The following OPRM1 variants were observed in gnomAD, a reference collection of about 807,000 sequenced individuals.
The protein encoded by OPRM1 is mu-type opioid receptor.
A neutral mutation model predicts 31.8 loss-of-function variants in OPRM1; 27 were observed. The ratio of observed to expected loss-of-function variants is 0.85; its 90% CI spans 0.63 to 1.17. OPRM1 has a LOEUF of 1.17. OPRM1 is among the 50% of genes most tolerant of loss of function. The pLI is 0.00. For synonymous variants in OPRM1, 196 were observed against 189.9 expected, an observed-to-expected ratio of 1.03 and a Z score of -0.26; for missense variants, 536 against 511.1, an observed-to-expected ratio of 1.05 and a Z score of -0.47.
In OPRM1 at chr6:154,123,592, G is replaced by T. The variant is rs1321873620; in HGVS notation, c.*4871G>T. On this transcript the variant is annotated 3_prime_UTR_variant, in exon 4 of 4. Transcript: ENST00000330432. ...AGGCAGCGTAGCCCCAAGGGCTGCT[G>T]GTTGGCTATTTTTGTGGTTATTTCT... is the stretch of plus-strand genomic sequence containing the variant. Among the ~76,000 whole-genome samples the T allele has an allele frequency of 1.3e-5, 2 of 152,184 alleles. No individual in the cohort carries two copies. The highest frequency in any genetic ancestry group is 4.8e-5 in the African/African-American group (2 of 41,444).
At chr6:154,117,688 G>C (rs1647726251) in intron 3 of OPRM1, among the ~76,000 whole-genome samples, 1 of 152,176 alleles carries the variant, frequency 6.6e-6, no homozygotes, top group African/African-American at 2.4e-5. Context: ...ATCAGAGTCA[G>C]AGGACAGTTA....
At chr6:154,053,207 A>C (rs1296978433) in intron 1 of OPRM1, among the ~76,000 whole-genome samples, 2 of 152,198 alleles carry the variant, frequency 1.3e-5, no homozygotes, top group Non-Finnish European at 2.9e-5. Context: ...TAGGCTTGTC[A>C]CAGTATTTTC....
intron 3 of OPRM1, chr6:154,110,522 A>AAGGGTTGCTT (rs1159705558): frequency 2.8e-6 from 2 of 722,172 alleles, no homozygotes; most frequent in East Asian, 5.6e-5. Flanking sequence ...CCCATGGCTT[A>AAGGGTTGCTT]AGGGTTGCTT....
chr6:154,183,321 A>G lies in OPRM1; in HGVS notation c.1165-63372A>G, dbSNP rs920931303. 3.3e-5 allele frequency among the ~76,000 whole-genome samples: 5 copies of G among 152,162 alleles called. No individual in the cohort carries two copies. The East Asian group carries it at 9.6e-4, about 29-fold the overall frequency. Reference sequence around the variant, plus strand: ...ATGGCGCTCTCATTCACTTATCGCTATGACTATTATCTACTGCAATCTATG... The same window carrying G: ...ATGGCGCTCTCATTCACTTATCGCTGTGACTATTATCTACTGCAATCTATG... On this transcript the variant is annotated intron_variant, in intron 3 of 3. Transcript: ENST00000337049.
chr6:154,038,003 T>C (rs994129633), upstream of OPRM1, among the ~76,000 whole-genome samples: 2 of 152,168 alleles, frequency 1.3e-5, no homozygotes, highest in African/African-American at 2.4e-5. Context: ...TGTTAGTCTC[T>C]AGGAAATCTC....
chr6:154,235,232 G>C (rs1780021235), intron 3 of OPRM1, among the ~76,000 whole-genome samples: 2 of 152,174 alleles, frequency 1.3e-5, no homozygotes, highest in African/African-American at 4.8e-5. Flanking sequence ...TTGAATATTA[G>C]AGATTTAGAA....
rs1294535176 is a variant in OPRM1 at position 154,178,299 on chromosome 6, AT to A, written c.1165-68392del. Among the ~76,000 whole-genome samples, 3 of 152,324 alleles carry A rather than the reference AT, an allele frequency of 2.0e-5. No individual in the cohort carries two copies. The South Asian group carries it at 6.2e-4, about 32-fold the overall frequency. On this transcript the variant is annotated intron_variant, in intron 3 of 3. Coordinates refer to the OPRM1 transcript ENST00000337049. Reference sequence around the variant, plus strand: ...AACTTAAAGTATAATAATAAAAAAAATTATATTAAAATTACATATCTGATTC... The same window carrying A: ...AACTTAAAGTATAATAATAAAAAAAATATATTAAAATTACATATCTGATTC...
chr6:154,153,528 AC>A (rs1478966069), intron 3 of OPRM1, among the ~76,000 whole-genome samples: 1 of 152,162 alleles, frequency 6.6e-6, no homozygotes, highest in Admixed American at 6.5e-5. Flanking sequence ...TACTGAAAAT[AC>A]GAAAAATTAG....
intron 1 of OPRM1, among the ~76,000 whole-genome samples, chr6:154,065,033 T>G (rs1185884543): frequency 2.0e-5 from 3 of 152,196 alleles, no homozygotes; most frequent in Admixed American, 6.5e-5. Context: ...AAAACTTCAT[T>G]GAGATTTTGG....
chr6:154,177,432 A>T (rs1035774395), intron 3 of OPRM1, among the ~76,000 whole-genome samples: 1 of 152,240 alleles, frequency 6.6e-6, no homozygotes, highest in Admixed American at 6.5e-5. Flanking sequence ...GAACATAAAC[A>T]AATTTATAAG....
At chr6:154,170,463 T>C (rs771122455) in intron 3 of OPRM1, among the ~76,000 whole-genome samples, 8 of 152,176 alleles carry the variant, frequency 5.3e-5, no homozygotes, top group Non-Finnish European at 1.2e-4. Flanking sequence ...GTTTCCCCTA[T>C]CCATCCCAGA....
chr6:154,029,574 A>G (rs934518636), intron 1 of OPRM1, among the ~76,000 whole-genome samples: 2 of 152,248 alleles, frequency 1.3e-5, no homozygotes, highest in Non-Finnish European at 2.9e-5. Flanking sequence ...ACTTGCAGCT[A>G]TATTAAAGGA....
intron 3 of OPRM1, among the ~76,000 whole-genome samples, chr6:154,149,960 A>G (rs563426247): frequency 6.6e-6 from 1 of 152,314 alleles, no homozygotes; most frequent in South Asian, 2.1e-4. Context: ...CTTTTTAATG[A>G]TGCTAATAGC....
At chr6:154,235,646 C>T (rs1780071880) in intron 3 of OPRM1, among the ~76,000 whole-genome samples, 1 of 151,740 alleles carries the variant, frequency 6.6e-6, no homozygotes, top group Non-Finnish European at 1.5e-5. Flanking sequence ...ACTTCAGGAA[C>T]TTTCAAATCT....
At chr6:154,085,601 T>C (rs535219322) in intron 1 of OPRM1, among the ~76,000 whole-genome samples, 101 of 152,236 alleles carry the variant, frequency 6.6e-4, no homozygotes, top group Non-Finnish European at 6.2e-4. Context: ...TCCAGATGAG[T>C]CTCTCTTTGC....
chr6:154,223,138 C>G, intron 3 of OPRM1: 1 of 1,538,642 alleles, frequency 6.5e-7, no homozygotes, highest in Non-Finnish European at 9.0e-7. Context: ...TATCCTGGCT[C>G]AGAGTTTTGT....
At chr6:154,091,591 C>A in intron 3 of OPRM1, 119 bp downstream of exon 3, 1 of 1,444,734 alleles carries the variant, frequency 6.9e-7, no homozygotes, top group Non-Finnish European at 9.0e-7. Context: ...AGAGGGGAAG[C>A]AAATTGTGGT....
rs190809816 is a variant in OPRM1 at position 154,138,602 on chromosome 6, T to A, written c.1164+47130T>A. The stretch of plus-strand genomic sequence containing the variant: ...ATTATGACGGAGACAGAGAAAGAGG[T>A]CCAACTTAAATGACCCCATCTTGCC... On this transcript the variant is annotated intron_variant, in intron 3 of 3. Coordinates refer to the OPRM1 transcript ENST00000337049. 2.2e-3 allele frequency among the ~76,000 whole-genome samples: 333 copies of A among 152,196 alleles called. 1 individual carries two copies. Among genetic ancestry groups the A allele is most frequent in the Non-Finnish European group, 1.7e-3 (114 of 68,000 alleles).
rs749145908 is a variant in OPRM1 at position 154,124,572 on chromosome 6, C to T, written c.*5851C>T. Among the ~76,000 whole-genome samples, 6 of 152,142 alleles carry T rather than the reference C, an allele frequency of 3.9e-5. No homozygotes were observed. Among genetic ancestry groups the T allele is most frequent in the Admixed American group, 6.6e-5 (1 of 15,260 alleles). ...ACCTCCTGTGACACATGGGGTGAGC[C>T]CTTCCTTTTTGTCTCAATCTCAAAA... On this transcript the variant is annotated 3_prime_UTR_variant, in exon 4 of 4. Transcript: ENST00000330432.
Sources: allele counts gnomAD v4.1 joint callset (sites outside exome capture counted in the v4.1 genomes callset), GRCh38; gene constraint gnomAD v4.1.1; transcripts MANE v1.5; gene names NCBI Gene and HGNC (gene_info 2026-07-23, HGNC 2026-07-21).